Variants in CSMD3 observed in about 807,000 individuals in gnomAD.
CSMD3 encodes CUB and Sushi multiple domains 3.
In CSMD3, 177 loss-of-function variants were observed where a neutral mutation model predicts 435.2. The observed-to-expected ratio is 0.41, with a 90% confidence interval of 0.36 to 0.46. The LOEUF is 0.46. Among genes scored for constraint, CSMD3 ranks in the 20% least tolerant of loss-of-function variants. CSMD3 has a pLI of 0.34. For synonymous variants in CSMD3, 1,656 were observed against 1,520.5 expected, an observed-to-expected ratio of 1.09 and a Z score of -2.07; for missense variants, 4,265 against 4,504.6, an observed-to-expected ratio of 0.95 and a Z score of 1.52.
rs139886219 is a variant in CSMD3, at chr8:112,989,676, C to T, written c.1031-13528G>A. Among the ~76,000 whole-genome samples the T allele has an allele frequency of 3.5e-3, 534 of 152,052 alleles. 1 individual carries two copies. The highest frequency in any genetic ancestry group is 5.7e-3 in the Non-Finnish European group (386 of 67,964). ...CCCTACTAAGAGATGGAGTCTATTT[C>T]CCACCCACTTGGGTAAGGATGTCCT... On this transcript the variant is annotated intron_variant, in intron 6 of 70. Transcript: ENST00000297405.
At chr8:112,433,585 TG>T (rs1813961767) in intron 32 of CSMD3, among the ~76,000 whole-genome samples, 1 of 139,310 alleles carries the variant, frequency 7.2e-6, no homozygotes, top group Non-Finnish European at 1.5e-5. Flanking sequence ...TAAACCTGGG[TG>T]GTCCAGGCTG....
chr8:113,364,988 G>A (rs561625567), intron 1 of CSMD3, among the ~76,000 whole-genome samples: 28 of 152,112 alleles, frequency 1.8e-4, no homozygotes, highest in African/African-American at 4.6e-4. Flanking sequence ...CAAACAAACC[G>A]TCCTTGGAAT....
intron 41 of CSMD3, among the ~76,000 whole-genome samples, chr8:112,342,981 ATATATTTATATATATATATTTATATAT>A (rs1274510427): frequency 1.6e-4 from 8 of 49,926 alleles, no homozygotes; most frequent in African/African-American, 4.8e-4. Flanking sequence ...TTATATATAT[ATATATTTATATATATATATTTATATAT>A]ATATATATTT....
chr8:112,287,633 T>A (rs1819341372), intron 57 of CSMD3, among the ~76,000 whole-genome samples: 1 of 152,126 alleles, frequency 6.6e-6, no homozygotes, highest in Non-Finnish European at 1.5e-5. Flanking sequence ...ATTTGCATGT[T>A]TCCTTTTCTG....
chr8:112,800,393 A>C, intron 12 of CSMD3, 119 bp from the exon 13 acceptor site: 1 of 730,972 alleles, frequency 1.4e-6, no homozygotes, highest in Non-Finnish European at 2.5e-6. Context: ...TCAGATAAAC[A>C]TAGAGGAGTA....
In CSMD3 at chr8:113,079,168, T is replaced by C. The variant is rs187441768; in HGVS notation, c.917+19588A>G. ...TCCTAACTTACTCTTCTAAATAAAA[T>C]AGTAAAATCGAGCAGATGATTGAGA... is the stretch of plus-strand genomic sequence containing the variant. On this transcript the variant is annotated intron_variant, in intron 5 of 70. Coordinates refer to ENST00000297405, the MANE Select transcript of CSMD3 (RefSeq NM_198123.2). 2.2e-3 allele frequency among the ~76,000 whole-genome samples: 330 copies of C among 152,286 alleles called. 1 individual carries two copies. Among genetic ancestry groups the C allele is most frequent in the Middle Eastern group, 0.01 (3 of 294 alleles).
rs1355920540 is a variant in CSMD3, at chr8:113,098,860, A to G, written c.813T>C (p.Ile271=). 1 of 1,612,316 alleles carries G rather than the reference A, an allele frequency of 6.2e-7. No individual in the cohort carries two copies. Among genetic ancestry groups the G allele is most frequent in the Non-Finnish European group, 8.5e-7 (1 of 1,178,692 alleles). The change falls in exon 5 of 71, where the codon ATT becomes ATC. Residue 271 remains isoleucine (I), a synonymous_variant. Coordinates refer to ENST00000297405, the MANE Select transcript of CSMD3 (RefSeq NM_198123.2). ...AAATTGTGTCCCCAGGCTCTGCTACAATGGTCCAAGTGCAATCAGCATTGT... is the reference window on the plus strand; with the variant it reads ...AAATTGTGTCCCCAGGCTCTGCTACGATGGTCCAAGTGCAATCAGCATTGT... ...YHNNADCTWT[I]VAEPGDTISL... is the part of the protein sequence containing the mutation.
intron 27 of CSMD3, among the ~76,000 whole-genome samples, chr8:112,549,276 T>C (rs762509952): frequency 6.6e-6 from 1 of 152,050 alleles, no homozygotes; most frequent in African/African-American, 2.4e-5. Context: ...GAGTAGAATA[T>C]ACAAATATGA....
chr8:113,316,112 G>A (rs1380958788), intron 1 of CSMD3, among the ~76,000 whole-genome samples: 2 of 152,222 alleles, frequency 1.3e-5, no homozygotes, highest in Middle Eastern at 3.4e-3. Context: ...TCTTTATGTA[G>A]GCTACATGCT....
chr8:112,811,653 G>A (rs888602715), intron 12 of CSMD3, among the ~76,000 whole-genome samples: 3 of 152,182 alleles, frequency 2.0e-5, no homozygotes, highest in African/African-American at 7.2e-5. Flanking sequence ...TATAAAAAGG[G>A]TGAGGTTTCT....
chr8:112,336,925 G>C, intron 43 of CSMD3, 96 bp from the exon 44 acceptor site: 1 of 1,042,392 alleles, frequency 9.6e-7, no homozygotes, highest in Non-Finnish European at 1.5e-6. Flanking sequence ...TAAGCATTAT[G>C]AAACACATTT....
At chr8:112,248,746 T>C (rs931102558) in intron 63 of CSMD3, among the ~76,000 whole-genome samples, 4 of 152,164 alleles carry the variant, frequency 2.6e-5, no homozygotes, top group Admixed American at 1.3e-4. Flanking sequence ...TTGTTATTAT[T>C]ACCCAGAACT....
chr8:112,816,478 T>C (rs1407725719), intron 12 of CSMD3, among the ~76,000 whole-genome samples: 8 of 152,136 alleles, frequency 5.3e-5, no homozygotes, highest in Non-Finnish European at 4.4e-5. Context: ...AATATCACCT[T>C]TCGCCATATT....
At chr8:112,414,698 G>C (rs1036272060) in intron 32 of CSMD3, among the ~76,000 whole-genome samples, 4 of 152,160 alleles carry the variant, frequency 2.6e-5, no homozygotes, top group Admixed American at 6.6e-5. Flanking sequence ...ATGTGGGAAA[G>C]TTTGGAACTC....
intron 27 of CSMD3, among the ~76,000 whole-genome samples, chr8:112,518,430 C>G (rs1823910326): frequency 1.3e-5 from 2 of 151,978 alleles, no homozygotes; most frequent in African/African-American, 4.8e-5. Context: ...ACAGCTTGAG[C>G]CTAGGAGGTC....
At chr8:112,536,881 A>G (rs1826149676) in intron 27 of CSMD3, among the ~76,000 whole-genome samples, 1 of 152,036 alleles carries the variant, frequency 6.6e-6, no homozygotes, top group South Asian at 2.1e-4. Flanking sequence ...GACATGGATG[A>G]AATTGGAAAT....
chr8:113,343,812 C>A lies in CSMD3; in HGVS notation c.179-29019G>T, dbSNP rs529283258. On this transcript the variant is annotated intron_variant, in intron 1 of 70. Transcript: ENST00000297405. ...TCAAGCCGGGTGCGGTGGCTCATGC[C>A]TGTAATCCCAGCACTTTGGGAGGCT... Among the ~76,000 whole-genome samples the A allele has an allele frequency of 9.9e-5, 15 of 152,246 alleles. No individual in the cohort carries two copies. The South Asian group carries it at 3.1e-3, about 32-fold the overall frequency.
chr8:112,710,014 C>T (rs1202562365), intron 13 of CSMD3, among the ~76,000 whole-genome samples: 2 of 152,028 alleles, frequency 1.3e-5, no homozygotes, highest in Non-Finnish European at 2.9e-5. Flanking sequence ...TCCTTAAGGA[C>T]GTGTAAGCCA....
At chr8:113,114,914 A>C (rs1273951912) in intron 4 of CSMD3, among the ~76,000 whole-genome samples, 1 of 152,218 alleles carries the variant, frequency 6.6e-6, no homozygotes, top group African/African-American at 2.4e-5. Context: ...GGAGAGCGTG[A>C]AGGTTAAAAA....
Sources: allele counts gnomAD v4.1 joint callset (sites outside exome capture counted in the v4.1 genomes callset), GRCh38; gene constraint gnomAD v4.1.1; transcripts MANE v1.5; gene names NCBI Gene and HGNC (gene_info 2026-07-23, HGNC 2026-07-21).